Variants in PCSK9 observed in about 807,000 individuals in gnomAD.
The protein encoded by PCSK9 is proprotein convertase subtilisin/kexin type 9, also known as convertase subtilisin/kexin type 9 preproprotein.
A neutral mutation model predicts 62.1 loss-of-function variants in PCSK9; 57 were observed. The observed-to-expected ratio is 0.92, with a 90% CI of 0.74 to 1.14. PCSK9 has a LOEUF of 1.14. Among genes scored for constraint, PCSK9 ranks in the 50% most tolerant of loss-of-function variants. The pLI is 0.00. For synonymous variants in PCSK9, 387 were observed against 409.4 expected (o/e 0.95, Z 0.66); for missense variants, 870 against 959.8 (o/e 0.91, Z 1.24).
chr1:55,054,798 C>G (rs920183745), intron 5 of PCSK9, among the ~76,000 whole-genome samples: 3 of 152,216 alleles, frequency 2.0e-5, no homozygotes, highest in African/African-American at 2.4e-5. Flanking sequence ...GAGGTCAGGA[C>G]ATCGAGACCA....
intron 1 of PCSK9, 52 bp from the exon 2 acceptor site, chr1:55,043,791 G>C (rs1431804487): frequency 1.3e-6 from 2 of 1,597,334 alleles, no homozygotes; most frequent in Admixed American, 1.7e-5. Context: ...AGTACACCTA[G>C]GGTTTGCTGG....
At chr1:55,058,309 G>A (rs1431627621) in intron 8 of PCSK9, 100 bp downstream of exon 8, 3 of 1,498,238 alleles carry the variant, frequency 2.0e-6, no homozygotes, top group Non-Finnish European at 2.7e-6. Context: ...TAAGGAGGAT[G>A]ACGCCACCTT....
Position 55,044,051 on chromosome 1 carries a change from G to T in PCSK9, c.399+17G>T. 1 of 1,613,872 alleles carries T rather than the reference G, an allele frequency of 6.2e-7. No individual in the cohort carries two copies. The highest frequency in any genetic ancestry group is 1.1e-5 in the South Asian group (1 of 91,006). ...CTGGAGCTGGTGAGCCACCCTTTTT[G>T]GGAATGGCACTTCCTGATAGGGCTG... On this transcript the variant is annotated intron_variant, in intron 2 of 11. Transcript: ENST00000302118.
intron 3 of PCSK9, among the ~76,000 whole-genome samples, chr1:55,047,253 C>G (rs1279901597): frequency 6.6e-6 from 1 of 152,180 alleles, no homozygotes; most frequent in Non-Finnish European, 1.5e-5. Flanking sequence ...CAGGGACTTG[C>G]AGGTGGCAAT....
intron 1 of PCSK9, among the ~76,000 whole-genome samples, chr1:55,043,296 T>C (rs2100264418): frequency 6.6e-6 from 1 of 152,362 alleles, no homozygotes; most frequent in Non-Finnish European, 1.5e-5. Context: ...GAGATTTATA[T>C]AACCGTCACT....
intron 11 of PCSK9, 147 bp downstream of exon 11, chr1:55,061,703 G>A: frequency 9.1e-7 from 1 of 1,093,870 alleles, no homozygotes; most frequent in Non-Finnish European, 1.4e-6. Flanking sequence ...CCGCCATTGT[G>A]TGGACAGCAT....
At chr1:55,044,815 G>GCTGCA (rs1285002624) in intron 2 of PCSK9, among the ~76,000 whole-genome samples, 1 of 152,172 alleles carries the variant, frequency 6.6e-6, no homozygotes, top group Admixed American at 6.5e-5. Flanking sequence ...GGGTCTCCTA[G>GCTGCA]CTGCACTGCA....
rs766480911 is a variant in PCSK9, at chr1:55,052,260, A to G, written c.524-18A>G. Reference sequence around the variant, plus strand: ...TTATGCTCATTCCCTCCTCTCCCACAAATGTCGCCTTGGAAAGACGGAGGC... The same window carrying G: ...TTATGCTCATTCCCTCCTCTCCCACGAATGTCGCCTTGGAAAGACGGAGGC... On this transcript the variant is annotated intron_variant, in intron 3 of 11. Coordinates refer to ENST00000302118, the MANE Select transcript of PCSK9 (RefSeq NM_174936.4). 5 of 1,613,970 alleles carry G rather than the reference A, an allele frequency of 3.1e-6. No individual in the cohort carries two copies. The South Asian group carries it at 5.5e-5, about 18-fold the overall frequency.
chr1:55,060,416 A>G (rs1644750521), intron 10 of PCSK9, among the ~76,000 whole-genome samples: 1 of 152,160 alleles, frequency 6.6e-6, no homozygotes, highest in African/African-American at 2.4e-5. Flanking sequence ...GTCCAGGGGA[A>G]CCACTGAGGG....
chr1:55,048,165 T>C (rs1480173906), intron 3 of PCSK9, among the ~76,000 whole-genome samples: 1 of 152,152 alleles, frequency 6.6e-6, no homozygotes, highest in African/African-American at 2.4e-5. Context: ...GAAGCTTCTC[T>C]TGCCTCTTCC....
At position 55,056,069 on chromosome 1, in the gene PCSK9, G is replaced by A; in HGVS notation, c.876G>A (p.Gly292=). The A allele has an allele frequency of 6.2e-7, 1 of 1,601,480 alleles. No homozygotes were observed. The highest frequency in any genetic ancestry group is 8.5e-7 in the Non-Finnish European group (1 of 1,172,186). Residue 292 remains glycine, a synonymous_variant, in exon 6 of 12, where the codon GGG becomes GGA. Coordinates refer to ENST00000302118, the MANE Select transcript of PCSK9 (RefSeq NM_174936.4). ...PLVVLLPLAG[G]YSRVLNAACQ... Reference sequence around the variant, plus strand: ...TGGTGCTGCTGCCCCTGGCGGGTGGGTACAGCCGCGTCCTCAACGCCGCCT... The same window carrying A: ...TGGTGCTGCTGCCCCTGGCGGGTGGATACAGCCGCGTCCTCAACGCCGCCT...
At position 55,063,978 on chromosome 1, in the gene PCSK9, C is replaced by T. The variant is rs1388739206; in HGVS notation, c.*394C>T. Reference sequence around the variant, plus strand: ...TCTCCACCAAGGAGGCAGGATTCTTCCCATGGATAGGGGAGGGGGCGGTAG... The same window carrying T: ...TCTCCACCAAGGAGGCAGGATTCTTTCCATGGATAGGGGAGGGGGCGGTAG... On this transcript the variant is annotated 3_prime_UTR_variant, in exon 12 of 12. Coordinates refer to ENST00000302118, the MANE Select transcript of PCSK9 (RefSeq NM_174936.4). 5.3e-5 allele frequency: 12 copies of T among 226,594 alleles called. No homozygotes were observed. In the South Asian group the frequency reaches 1.2e-3, roughly 22 times the overall value. 14.0% of individuals were successfully genotyped at this position (226,594 alleles called of 1,614,324 possible).
rs140364657 is a variant in PCSK9, at chr1:55,061,544, C to T, written c.1851C>T (p.Ala617=). ...AAGTCAAGGAGCATGGAATCCCGGC[C>T]CCTCAGGAGCAGGTGAAGAGGCCCG... The part of the protein sequence containing the change: ...ECKVKEHGIP[A]PQEQVTVACE... The change falls in exon 11 of 12, where the codon GCC becomes GCT. Residue 617 remains alanine (A), a synonymous_variant. Transcript: ENST00000302118. 234 of 1,597,418 alleles carry T rather than the reference C, an allele frequency of 1.5e-4. No individual in the cohort carries two copies. In the African/African-American group the frequency reaches 2.7e-3, roughly 18 times the overall value.
At chr1:55,050,797 C>T in intron 3 of PCSK9, 1 of 272,456 alleles carries the variant, frequency 3.7e-6, no homozygotes, top group Non-Finnish European at 7.2e-6. Context: ...AAATAGTGGC[C>T]CCCACAGATA....
At position 55,039,910 on chromosome 1, in the gene PCSK9, C is replaced by G. The variant is rs776276715; in HGVS notation, c.73C>G (p.Pro25Ala). The G allele has an allele frequency of 1.7e-5, 26 of 1,565,192 alleles. No homozygotes were observed. The highest frequency in any genetic ancestry group is 2.2e-5 in the Non-Finnish European group (26 of 1,155,972). The change falls in exon 1 of 12, where the codon CCC (proline) becomes GCC (alanine). Residue 25 changes from proline (P) to alanine (A), a missense_variant. Coordinates refer to ENST00000302118, the MANE Select transcript of PCSK9 (RefSeq NM_174936.4). ...GCTGCTGCTGCTGCTGCTCCTGGGT[C>G]CCGCGGGCGCCCGTGCGCAGGAGGA... ...LLLLLLLLLG[P>A]AGARAQEDED...
At chr1:55,062,553 G>A (rs751846541) in intron 11 of PCSK9, among the ~76,000 whole-genome samples, 6 of 152,258 alleles carry the variant, frequency 3.9e-5, no homozygotes, top group Non-Finnish European at 8.8e-5. Flanking sequence ...ACTATAGCAA[G>A]GAAGGGAATG....
chr1:55,048,430 C>T (rs2100283288), intron 3 of PCSK9, among the ~76,000 whole-genome samples: 1 of 152,352 alleles, frequency 6.6e-6, no homozygotes, highest in Middle Eastern at 3.4e-3. Context: ...CCTCCTCTCC[C>T]TTGGGCCAGA....
Position 55,046,588 on chromosome 1 carries a change from G to C in PCSK9, c.465G>C (p.Pro155=), listed in dbSNP as rs762792417. ...CCTCTGTCTTTGCCCAGAGCATCCC[G>C]TGGAACCTGGAGCGGATTACCCCTC... ...EDSSVFAQSI[P]WNLERITPPR... Residue 155 remains proline (P), a synonymous_variant, in exon 3 of 12, where the codon CCG becomes CCC. Coordinates refer to ENST00000302118, the MANE Select transcript of PCSK9 (RefSeq NM_174936.4). The C allele has an allele frequency of 1.9e-6, 3 of 1,614,002 alleles. No individual in the cohort carries two copies. The highest frequency in any genetic ancestry group is 1.3e-5 in the African/African-American group (1 of 74,898).
At chr1:55,041,553 C>G (rs1169465038) in intron 1 of PCSK9, among the ~76,000 whole-genome samples, 1 of 152,192 alleles carries the variant, frequency 6.6e-6, no homozygotes, top group Non-Finnish European at 1.5e-5. Flanking sequence ...AAGTTTGGAA[C>G]AGGAGCCTCC....
Sources: allele counts gnomAD v4.1 joint callset (sites outside exome capture counted in the v4.1 genomes callset), GRCh38; gene constraint gnomAD v4.1.1; transcripts MANE v1.5; gene names NCBI Gene and HGNC (gene_info 2026-07-23, HGNC 2026-07-21).